The following JAZF1 variants were observed in gnomAD, a reference collection of about 807,000 sequenced individuals.
JAZF1 encodes JAZF zinc finger 1, also known as juxtaposed with another zinc finger protein 1.
A neutral mutation model predicts 26.4 loss-of-function variants in JAZF1; 8 were observed. That is an observed-to-expected ratio of 0.30 (90% confidence interval 0.18 to 0.55). The LOEUF (loss-of-function observed/expected upper bound fraction) is 0.55. Ranked by LOEUF, JAZF1 falls within the 20% of genes least tolerant of loss-of-function variation. The pLI, the probability that JAZF1 is intolerant of heterozygous loss-of-function variation, is 0.94. For synonymous variants in JAZF1, 126 were observed against 122.3 expected (o/e 1.03, Z -0.20); for missense variants, 199 against 322.0 (o/e 0.62, Z 2.92).
At chr7:27,920,774 A>T (rs566418907) in intron 2 of JAZF1, among the ~76,000 whole-genome samples, 2 of 152,346 alleles carry the variant, frequency 1.3e-5, no homozygotes, top group South Asian at 2.1e-4. Flanking sequence ...ATAAATTACC[A>T]TAATATAATG....
At chr7:27,898,919 G>A (rs138456114) in intron 2 of JAZF1, among the ~76,000 whole-genome samples, 219 of 152,032 alleles carry the variant, frequency 1.4e-3, no homozygotes, top group Non-Finnish European at 2.6e-3. Flanking sequence ...GTACACAGCT[G>A]CACAATTTGT....
intron 3 of JAZF1, among the ~76,000 whole-genome samples, chr7:27,856,398 AAG>A (rs1286329859): frequency 1.3e-5 from 2 of 152,196 alleles, no homozygotes; most frequent in Non-Finnish European, 2.9e-5. Flanking sequence ...GAGCAGCAGC[AAG>A]AGTTATTGCA....
chr7:28,098,863 G>T (rs1462373417), intron 1 of JAZF1, among the ~76,000 whole-genome samples: 3 of 152,216 alleles, frequency 2.0e-5, no homozygotes, highest in Non-Finnish European at 4.4e-5. Flanking sequence ...CCATCCTCCA[G>T]TGCAACAAGA....
chr7:27,862,497 C>G lies in JAZF1; in HGVS notation c.386-21630G>C, dbSNP rs148523517. Among the ~76,000 whole-genome samples, 992 of 145,276 alleles carry G rather than the reference C, an allele frequency of 6.8e-3. 5 individuals carry two copies. The highest frequency in any genetic ancestry group is 0.024 in the African/African-American group (943 of 39,066). On this transcript the variant is annotated intron_variant, in intron 3 of 4. Transcript: ENST00000283928. ...TTTCAAGCGTACTGCTCAAGGTTTT[C>G]CATATATTCACAGAGTAGTGCAGCC...
At chr7:28,067,772 A>C (rs1461638759) in intron 1 of JAZF1, among the ~76,000 whole-genome samples, 1 of 152,216 alleles carries the variant, frequency 6.6e-6, no homozygotes, top group Non-Finnish European at 1.5e-5. Context: ...TGCTCAAACC[A>C]ATCTTCAAAC....
intron 3 of JAZF1, among the ~76,000 whole-genome samples, chr7:27,857,046 G>A (rs141664172): frequency 0.016 from 2,435 of 152,354 alleles, 42 homozygotes; most frequent in Non-Finnish European, 0.025. Context: ...GTCCCGCGCC[G>A]TGTGCCTGCA....
At chr7:28,177,063 C>T (rs1783560311) in intron 1 of JAZF1, among the ~76,000 whole-genome samples, 1 of 152,140 alleles carries the variant, frequency 6.6e-6, no homozygotes, top group Non-Finnish European at 1.5e-5. Flanking sequence ...GAATTGATAA[C>T]AAAATTGATG....
At chr7:28,163,267 C>T (rs942140797) in intron 1 of JAZF1, among the ~76,000 whole-genome samples, 4 of 152,178 alleles carry the variant, frequency 2.6e-5, no homozygotes, top group African/African-American at 7.2e-5. Flanking sequence ...CCTGGGACAA[C>T]TGACATCAGA....
At chr7:28,108,361 T>C (rs112074740) in intron 1 of JAZF1, among the ~76,000 whole-genome samples, 229 of 152,348 alleles carry the variant, frequency 1.5e-3, no homozygotes, top group Middle Eastern at 0.01. Context: ...ATGAGGAGCC[T>C]CGTCATGGTG....
chr7:28,164,009 G>C (rs1488058528), intron 1 of JAZF1, among the ~76,000 whole-genome samples: 2 of 152,234 alleles, frequency 1.3e-5, no homozygotes, highest in Non-Finnish European at 2.9e-5. Flanking sequence ...TGTGAATAGA[G>C]GCCTTAAATA....
intron 3 of JAZF1, among the ~76,000 whole-genome samples, chr7:27,880,398 G>A (rs1158161785): frequency 6.6e-6 from 1 of 152,142 alleles, no homozygotes; most frequent in African/African-American, 2.4e-5. Flanking sequence ...ACTTTGGGAG[G>A]GTGAGGTGGG....
chr7:28,134,314 TGAGA>T (rs1431047657), intron 1 of JAZF1, among the ~76,000 whole-genome samples: 9 of 152,194 alleles, frequency 5.9e-5, no homozygotes. Context: ...GATGATTGAT[TGAGA>T]GAGACAGGGT....
intron 1 of JAZF1, among the ~76,000 whole-genome samples, chr7:28,107,411 C>A (rs1045530253): frequency 2.6e-5 from 4 of 152,160 alleles, no homozygotes; most frequent in Admixed American, 6.5e-5. Flanking sequence ...TGCTTTGGGG[C>A]GCTGAGAATG....
rs1165068631 is a variant in JAZF1, at chr7:28,123,833, T to C, written c.115+56630A>G. ...AACAGATCCAAAAAGGTAGAAATAC[T>C]AACCAAAAATCAAGGGGGCAGGTAA... On this transcript the variant is annotated intron_variant, in intron 1 of 4. Transcript: ENST00000283928. Among the ~76,000 whole-genome samples, 3 of 152,138 alleles carry C rather than the reference T, an allele frequency of 2.0e-5. No homozygotes were observed. In the East Asian group the frequency reaches 5.8e-4, roughly 29 times the overall value.
intron 1 of JAZF1, among the ~76,000 whole-genome samples, chr7:28,102,006 GC>G (rs1784479810): frequency 6.6e-6 from 1 of 152,098 alleles, no homozygotes; most frequent in African/African-American, 2.4e-5. Flanking sequence ...AATAAATGGT[GC>G]CTCATCAGAC....
chr7:28,056,210 C>A (rs902168531), intron 1 of JAZF1, among the ~76,000 whole-genome samples: 1 of 151,398 alleles, frequency 6.6e-6, no homozygotes, highest in Non-Finnish European at 1.5e-5. Context: ...AAAAAAAAAC[C>A]TGGAGCACGC....
intron 2 of JAZF1, among the ~76,000 whole-genome samples, chr7:27,971,031 A>C (rs1208165302): frequency 6.6e-6 from 1 of 152,234 alleles, no homozygotes; most frequent in Non-Finnish European, 1.5e-5. Flanking sequence ...AGTGCCCCAC[A>C]CATAGTAGGC....
intron 3 of JAZF1, among the ~76,000 whole-genome samples, chr7:27,868,026 T>C (rs116990708): frequency 0.012 from 1,779 of 152,316 alleles, 19 homozygotes; most frequent in Non-Finnish European, 0.019. Context: ...ACTCGCTTGG[T>C]GACTCAGGCA....
intron 1 of JAZF1, among the ~76,000 whole-genome samples, chr7:28,041,712 G>A (rs182808953): frequency 1.3e-5 from 2 of 152,252 alleles, no homozygotes; most frequent in East Asian, 1.9e-4. Flanking sequence ...TTGGGAAAGG[G>A]CCACCTTACT....
Sources: allele counts gnomAD v4.1 joint callset (sites outside exome capture counted in the v4.1 genomes callset), GRCh38; gene constraint gnomAD v4.1.1; transcripts MANE v1.5; gene names NCBI Gene and HGNC (gene_info 2026-07-23, HGNC 2026-07-21).